SAMSN1: variants seen among roughly 807,000 people sequenced by gnomAD.
SAMSN1 encodes the protein SAM domain, SH3 domain and nuclear localization signals 1.
A neutral mutation model predicts 42.0 loss-of-function variants in SAMSN1; 31 were observed. The ratio of observed to expected loss-of-function variants is 0.74; its 90% CI spans 0.55 to 1.00. The LOEUF is 1.00. Among genes scored for constraint, SAMSN1 ranks in the 50% least tolerant of loss-of-function variants. The probability of loss-of-function intolerance (pLI) is 0.00; values close to 1 mark genes in which losing one functional copy is unlikely to be tolerated. For missense variants in SAMSN1, 464 were observed against 439.4 expected, an observed-to-expected ratio of 1.06 and a Z score of -0.50; for synonymous variants, 178 against 151.9, an observed-to-expected ratio of 1.17 and a Z score of -1.26.
At chr21:14,534,052 A>T (rs1051732090) in intron 1 of SAMSN1, among the ~76,000 whole-genome samples, 2 of 152,220 alleles carry the variant, frequency 1.3e-5, no homozygotes, top group African/African-American at 4.8e-5. Context: ...TTTAAGGCAG[A>T]TTACATTACA....
upstream of SAMSN1, among the ~76,000 whole-genome samples, chr21:14,547,882 C>T (rs908093539): frequency 6.6e-6 from 1 of 152,010 alleles, no homozygotes; most frequent in African/African-American, 2.4e-5. Context: ...GTTAATATGC[C>T]TATTATTTTA....
intron 5 of SAMSN1, among the ~76,000 whole-genome samples, chr21:14,607,757 A>G (rs918615850): frequency 1.3e-5 from 2 of 152,186 alleles, no homozygotes; most frequent in Non-Finnish European, 2.9e-5. Context: ...ACAAAAACAT[A>G]CATAAGAGAA....
chr21:14,551,938 T>C (rs1021425778), intron 2 of SAMSN1, among the ~76,000 whole-genome samples: 4 of 152,064 alleles, frequency 2.6e-5, no homozygotes, highest in Non-Finnish European at 5.9e-5. Flanking sequence ...CATACCTAAA[T>C]ACCTGGCATA....
intron 1 of SAMSN1, chr21:14,523,354 C>T (rs1423733876): frequency 6.6e-6 from 1 of 152,290 alleles, no homozygotes. Context: ...CAATTAACGC[C>T]TTTTGCTGAC....
chr21:14,555,852 T>C (rs1403767745), intron 2 of SAMSN1, among the ~76,000 whole-genome samples: 1 of 152,176 alleles, frequency 6.6e-6, no homozygotes, highest in African/African-American at 2.4e-5. Flanking sequence ...ACAGAACAAA[T>C]TGATCTAAAT....
At chr21:14,568,294 C>T (rs1404637675) in intron 2 of SAMSN1, among the ~76,000 whole-genome samples, 13 of 152,180 alleles carry the variant, frequency 8.5e-5, no homozygotes, top group Admixed American at 8.5e-4. Context: ...ATATCCCCCT[C>T]ATAAATAGAA....
chr21:14,578,923 T>C (rs1300834474), intron 2 of SAMSN1, among the ~76,000 whole-genome samples: 1 of 152,134 alleles, frequency 6.6e-6, no homozygotes, highest in African/African-American at 2.4e-5. Context: ...GTAAGTAACA[T>C]TCATTACAGA....
chr21:14,643,054 G>T, exon 2 of SAMSN1: 1 of 717,316 alleles, frequency 1.4e-6, no homozygotes, highest in Non-Finnish European at 2.6e-6. Flanking sequence ...TGGGATAGGA[G>T]AATCAGTTCT....
intron 1 of SAMSN1, among the ~76,000 whole-genome samples, chr21:14,647,550 G>T (rs562721937): frequency 0.011 from 1,622 of 147,674 alleles, 39 homozygotes; most frequent in African/African-American, 0.038. Flanking sequence ...GATGGGGATG[G>T]CATTAAATCT....
intron 2 of SAMSN1, among the ~76,000 whole-genome samples, chr21:14,571,134 A>G (rs1048333944): frequency 6.6e-6 from 1 of 152,178 alleles, no homozygotes; most frequent in South Asian, 2.1e-4. Flanking sequence ...CATAGCTCTT[A>G]TCAAAGCTGG....
At chr21:14,500,780 A>T in intron 5 of SAMSN1, 45 bp from the exon 6 acceptor site, 1 of 1,387,602 alleles carries the variant, frequency 7.2e-7, no homozygotes, top group Non-Finnish European at 1.0e-6. Flanking sequence ...AGAGAACCTC[A>T]CTGATAGAAA....
Position 14,624,884 on chromosome 21 carries a change from T to C in SAMSN1, c.157-8868A>G, listed in dbSNP as rs148508983. Among the ~76,000 whole-genome samples the C allele has an allele frequency of 8.3e-4, 127 of 152,204 alleles. 2 individuals carry two copies. The South Asian group carries it at 0.011, about 13-fold the overall frequency. On this transcript the variant is annotated intron_variant, in intron 2 of 15. Transcript: ENST00000647101. ...ATCGATGTAAAAATCCTCAATAAAA[T>C]AGTGGCAAACCGAATCCAGTAGCCC...
chr21:14,550,270 T>G (rs1161642889), upstream of SAMSN1, among the ~76,000 whole-genome samples: 1 of 152,098 alleles, frequency 6.6e-6, no homozygotes, highest in Non-Finnish European at 1.5e-5. Context: ...ATTCTATGTC[T>G]GGAGTTCCTG....
chr21:14,602,314 C>T (rs1361765062), intron 5 of SAMSN1, among the ~76,000 whole-genome samples: 1 of 151,664 alleles, frequency 6.6e-6, no homozygotes, highest in African/African-American at 2.4e-5. Context: ...ATAGGGATGC[C>T]GCTGACCATC....
At chr21:14,515,356 T>A (rs1369375457) in intron 3 of SAMSN1, among the ~76,000 whole-genome samples, 1 of 152,170 alleles carries the variant, frequency 6.6e-6, no homozygotes, top group Non-Finnish European at 1.5e-5. Context: ...ATATTTATGG[T>A]CAATTGATTT....
In SAMSN1 at chr21:14,619,358, A is replaced by G. The variant is rs144979509; in HGVS notation, c.157-3342T>C. Among the ~76,000 whole-genome samples, 128 of 152,346 alleles carry G rather than the reference A, an allele frequency of 8.4e-4. 2 individuals are homozygous for G. In the South Asian group the frequency reaches 0.011, roughly 13 times the overall value. ...TACCAGAGAAAACTGATTGGCAGCA[A>G]TTGATGATGTAAATCCCATGGTGAA... On this transcript the variant is annotated intron_variant, in intron 2 of 15. Coordinates refer to the SAMSN1 transcript ENST00000647101.
At chr21:14,620,524 T>C (rs914335463) in intron 2 of SAMSN1, among the ~76,000 whole-genome samples, 1 of 152,210 alleles carries the variant, frequency 6.6e-6, no homozygotes, top group Non-Finnish European at 1.5e-5. Context: ...GATATTTCTT[T>C]ATAGCAGTGT....
At chr21:14,535,203 T>C (rs929581774) in intron 1 of SAMSN1, among the ~76,000 whole-genome samples, 4 of 152,174 alleles carry the variant, frequency 2.6e-5, no homozygotes, top group African/African-American at 7.2e-5. Context: ...GTAATCATGA[T>C]TTTTGCTATT....
intron 7 of SAMSN1, among the ~76,000 whole-genome samples, chr21:14,494,613 G>C (rs1485854261): frequency 1.3e-5 from 2 of 151,940 alleles, no homozygotes; most frequent in African/African-American, 4.8e-5. Flanking sequence ...TGTAGATGAA[G>C]GGTTGATGGG....
Sources: gnomAD v4.1 joint callset for allele counts (sites outside exome capture counted in the v4.1 genomes callset) on GRCh38, gnomAD v4.1.1 for gene constraint, MANE v1.5 for transcripts, NCBI Gene and HGNC (gene_info 2026-07-23, HGNC 2026-07-21) for gene names.